The following NEXMIF variants were observed in gnomAD, a reference collection of about 807,000 sequenced individuals.
The protein encoded by NEXMIF is neurite extension and migration factor, also known as XLMR protein related to neurite extension.
Under a neutral mutation model 62.1 loss-of-function variants are expected in NEXMIF, and 8 were observed. The ratio of observed to expected loss-of-function variants is 0.13; its 90% CI spans 0.08 to 0.23. The LOEUF is 0.23. Among genes scored for constraint, NEXMIF ranks in the 10% least tolerant of loss-of-function variants. The pLI, the probability that NEXMIF is intolerant of heterozygous loss-of-function variation, is 1.00. For missense variants in NEXMIF, 976 were observed against 1,113.3 expected (o/e 0.88, Z 1.75); for synonymous variants, 404 against 416.6 (o/e 0.97, Z 0.37).
intron 1 of NEXMIF, 51 bp from the exon 2 acceptor site, chrX:74,745,748 G>A: frequency 3.6e-6 from 2 of 559,744 alleles, no homozygotes; most frequent in Non-Finnish European, 3.0e-6. Context: ...TTTATTTTGT[G>A]TTTTATAGGT....
In NEXMIF at chrX:74,744,003, T is replaced by C; in HGVS notation, c.554A>G (p.Gln185Arg). The C allele has an allele frequency of 8.3e-7, 1 of 1,210,486 alleles. No homozygotes were observed. The highest frequency in any genetic ancestry group is 1.1e-6 in the Non-Finnish European group (1 of 894,524). ...ETCAVSDIGI[Q>R]CINAGENMKY... ...CATATTTTCTCCAGCATTAATACAC[T>C]GAATCCCTATATCAGAGACTGCACA... Residue 185 changes from glutamine to arginine, a missense_variant, in exon 3 of 4, where the codon CAG (glutamine) becomes CGG (arginine). Transcript: ENST00000055682.
At chrX:74,855,958 G>T (rs765488041) in intron 1 of NEXMIF, among the ~76,000 whole-genome samples, 1 of 112,133 alleles carries the variant, frequency 8.9e-6, no homozygotes, top group South Asian at 3.7e-4. Context: ...AAAAGAATCT[G>T]ATTTGCAGAT....
In NEXMIF at chrX:74,744,233, G is replaced by A; in HGVS notation, c.324C>T (p.Gly108=). The A allele has an allele frequency of 8.3e-7, 1 of 1,211,475 alleles. No individual in the cohort carries two copies. The highest frequency in any genetic ancestry group is 1.1e-6 in the Non-Finnish European group (1 of 895,399). Residue 108 remains glycine, a synonymous_variant, in exon 3 of 4, where the codon GGC becomes GGT. Transcript: ENST00000055682. The part of the protein sequence containing the change: ...AISLTSGIAK[G]LNTWSLPNEC... ...CATTGGGAAGTGACCATGTGTTCAG[G>A]CCTTTTGCAATGCCAGATGTGAGGG...
chrX:74,898,395 G>A (rs756132276), intron 1 of NEXMIF, among the ~76,000 whole-genome samples: 6 of 111,439 alleles, frequency 5.4e-5, no homozygotes, highest in Non-Finnish European at 9.4e-5. Context: ...AGCTATCAAG[G>A]TCATCAAAAA....
chrX:74,792,184 T>G (rs1460629080), intron 1 of NEXMIF, among the ~76,000 whole-genome samples: 1 of 111,562 alleles, frequency 9.0e-6, no homozygotes. Flanking sequence ...GTCTTTGTTC[T>G]CATTGGTTTC....
rs1354202970 is a variant in NEXMIF at position 74,791,615 on chromosome X, T to C, written c.-47-45918A>G. Reference sequence around the variant, plus strand: ...GTGAATCCATCTGGTCCTGGACTCTTTTTGGTTGGTAAGCTATTGATTATT... The same window carrying C: ...GTGAATCCATCTGGTCCTGGACTCTCTTTGGTTGGTAAGCTATTGATTATT... On this transcript the variant is annotated intron_variant, in intron 1 of 3. Transcript: ENST00000055682. Among the ~76,000 whole-genome samples the C allele has an allele frequency of 2.7e-5, 3 of 111,149 alleles. No individual in the cohort carries two copies. In the Admixed American group the frequency reaches 2.9e-4, roughly 11 times the overall value.
At chrX:74,873,704 T>A (rs1304344131) in intron 1 of NEXMIF, among the ~76,000 whole-genome samples, 1 of 112,327 alleles carries the variant, frequency 8.9e-6, no homozygotes, top group Non-Finnish European at 1.9e-5. Context: ...GAGATGGTGA[T>A]CTCATTGTGG....
intron 1 of NEXMIF, among the ~76,000 whole-genome samples, chrX:74,828,654 C>T (rs966664275): frequency 8.9e-6 from 1 of 112,064 alleles, no homozygotes; most frequent in Non-Finnish European, 1.9e-5. Flanking sequence ...ATGATAGCTT[C>T]TGGTTTTAGT....
chrX:74,795,797 T>C (rs1451383382), intron 1 of NEXMIF, among the ~76,000 whole-genome samples: 2 of 109,942 alleles, frequency 1.8e-5, no homozygotes, highest in East Asian at 5.7e-4. Context: ...AGGAAGGGGG[T>C]ACGAAGCTGA....
At chrX:74,818,076 T>C (rs1418316608) in intron 1 of NEXMIF, among the ~76,000 whole-genome samples, 1 of 109,445 alleles carries the variant, frequency 9.1e-6, no homozygotes, top group African/African-American at 3.3e-5. Flanking sequence ...AAACCACCAA[T>C]GACATTTTTC....
At chrX:74,883,623 C>A (rs2080676238) in intron 1 of NEXMIF, among the ~76,000 whole-genome samples, 1 of 111,840 alleles carries the variant, frequency 8.9e-6, no homozygotes, top group Non-Finnish European at 1.9e-5. Flanking sequence ...ACAAACAAAG[C>A]CTCCAAGAAA....
chrX:74,860,965 C>T (rs998115487), intron 1 of NEXMIF, among the ~76,000 whole-genome samples: 1 of 111,340 alleles, frequency 9.0e-6, no homozygotes, highest in African/African-American at 3.3e-5. Flanking sequence ...CAAAACCTGG[C>T]TATTTGAAAA....
intron 1 of NEXMIF, among the ~76,000 whole-genome samples, chrX:74,802,113 C>T (rs1480569664): frequency 8.9e-6 from 1 of 112,177 alleles, no homozygotes; most frequent in Non-Finnish European, 1.9e-5. Context: ...ACCTCTGGAC[C>T]TGCCTGGGTC....
chrX:74,813,070 C>G (rs1602237029), intron 1 of NEXMIF, among the ~76,000 whole-genome samples: 1 of 111,512 alleles, frequency 9.0e-6, no homozygotes, highest in Admixed American at 9.6e-5. Context: ...ATAACAGGCA[C>G]AAAATTCCTA....
Position 74,762,269 on chromosome X carries a change from C to A in NEXMIF, c.-47-16572G>T, listed in dbSNP as rs1400613423. ...GCTCAGAATGGTTTCCAGCTACATC[C>A]ATGTCCCTACAAAGGACATGAACTC... On this transcript the variant is annotated intron_variant, in intron 1 of 3. Coordinates refer to ENST00000055682, the MANE Select transcript of NEXMIF (RefSeq NM_001008537.3). 5.4e-5 allele frequency among the ~76,000 whole-genome samples: 6 copies of A among 110,588 alleles called. No homozygotes were observed. In the Admixed American group the frequency reaches 5.8e-4, roughly 11 times the overall value.
At chrX:74,764,831 T>C (rs1227081133) in intron 1 of NEXMIF, among the ~76,000 whole-genome samples, 1 of 111,901 alleles carries the variant, frequency 8.9e-6, no homozygotes, top group African/African-American at 3.3e-5. Context: ...TTGAGGATTG[T>C]TTTATGTCTG....
At chrX:74,833,994 C>T (rs2080447582) in intron 1 of NEXMIF, among the ~76,000 whole-genome samples, 1 of 108,886 alleles carries the variant, frequency 9.2e-6, no homozygotes, top group Admixed American at 9.9e-5. Flanking sequence ...ATTAGCCAGG[C>T]ATGGTGGTGC....
chrX:74,907,336 C>CA (rs1270438742), intron 1 of NEXMIF, among the ~76,000 whole-genome samples: 1 of 30,256 alleles, frequency 3.3e-5, no homozygotes. Context: ...GCAAGAGCAC[C>CA]CCCCCCCCCG....
At chrX:74,781,892 C>T (rs147064152) in intron 1 of NEXMIF, among the ~76,000 whole-genome samples, 246 of 112,302 alleles carry the variant, frequency 2.2e-3, no homozygotes, top group African/African-American at 7.6e-3. Context: ...TGGTGTAGCT[C>T]AGTTTAGTTG....
Sources: gnomAD v4.1 joint callset for allele counts (sites outside exome capture counted in the v4.1 genomes callset) on GRCh38, gnomAD v4.1.1 for gene constraint, MANE v1.5 for transcripts, NCBI Gene and HGNC (gene_info 2026-07-23, HGNC 2026-07-21) for gene names.